Variants in ENSA observed in about 807,000 individuals in gnomAD.
The protein encoded by ENSA is endosulfine alpha, also known as alpha-endosulfine.
In ENSA, 7 loss-of-function variants were observed where a neutral mutation model predicts 16.8. The observed-to-expected ratio is 0.42, with a 90% CI of 0.24 to 0.78. The LOEUF (loss-of-function observed/expected upper bound fraction) is 0.78. Ranked by LOEUF, ENSA falls within the 30% of genes least tolerant of loss-of-function variation. The pLI is 0.29. For missense variants in ENSA, 87 were observed against 142.3 expected (o/e 0.61, Z 1.98); for synonymous variants, 58 against 53.4 (o/e 1.09, Z -0.37).
intron 2 of ENSA, 165 bp downstream of exon 2, chr1:150,627,302 A>T: frequency 6.3e-7 from 1 of 1,590,120 alleles, no homozygotes; most frequent in Non-Finnish European, 8.5e-7. Context: ...ATACCACATC[A>T]GGGATTTACA....
At chr1:150,624,834 T>C (rs1649188924) in intron 3 of ENSA, 1 of 980,190 alleles carries the variant, frequency 1.0e-6, no homozygotes, top group East Asian at 1.1e-4. Flanking sequence ...TTTAACTCTA[T>C]TTTACAGATG....
In ENSA at chr1:150,627,003, T is replaced by C. The variant is rs1649378319; in HGVS notation, c.183+464A>G. ...GAAAAATACATTTGCTGCAGGAGTA[T>C]AATTAATGGCTGGTGCTCACTTCAA... On this transcript the variant is annotated intron_variant, in intron 2 of 3. Coordinates refer to ENST00000369014, the MANE Select transcript of ENSA (RefSeq NM_004436.4). The C allele has an allele frequency of 1.3e-5, 14 of 1,082,044 alleles. No homozygotes were observed. The South Asian group carries it at 3.9e-4, about 30-fold the overall frequency. 67.0% of individuals were successfully genotyped at this position (1,082,044 alleles called of 1,614,324 possible). A position where few individuals can be genotyped will look rare whatever the true frequency, so the allele number is the denominator to read the frequency against.
At chr1:150,628,901 A>G (rs190024592) in intron 1 of ENSA, 4 of 701,062 alleles carry the variant, frequency 5.7e-6, no homozygotes, top group Non-Finnish European at 9.8e-6. Flanking sequence ...CTTAGCTACT[A>G]AAATAGGTCT....
chr1:150,625,184 G>A lies in ENSA; in HGVS notation c.350+458C>T, dbSNP rs976493302. On this transcript the variant is annotated intron_variant, in intron 3 of 3. Transcript: ENST00000369014. ...GCCATAATGGAAACATGAAGCAATAGCAGCCTAAGGGACAGAACACTTAGA... is the reference window on the plus strand; with the variant it reads ...GCCATAATGGAAACATGAAGCAATAACAGCCTAAGGGACAGAACACTTAGA... 6 of 986,000 alleles carry A rather than the reference G, an allele frequency of 6.1e-6. No individual in the cohort carries two copies. The African/African-American group carries it at 1.0e-4, about 17-fold the overall frequency. The allele number at this position is 986,000 out of a possible 1,614,324, so 61.1% of individuals were successfully genotyped here. A position where few individuals can be genotyped will look rare whatever the true frequency, so the allele number is the denominator to read the frequency against.
In ENSA at chr1:150,628,571, T is replaced by C. The variant is rs184777356; in HGVS notation, c.57+843A>G. The stretch of plus-strand genomic sequence containing the variant: ...AAGATATGAAGTCAACGTATGACTC[T>C]TTTTAGTGGAATTATATTCCTTTCT... On this transcript the variant is annotated intron_variant, in intron 1 of 3. Coordinates refer to ENST00000369014, the MANE Select transcript of ENSA (RefSeq NM_004436.4). Among the ~76,000 whole-genome samples, 69 of 152,182 alleles carry C rather than the reference T, an allele frequency of 4.5e-4. 1 individual carries two copies. The East Asian group carries it at 8.5e-3, about 19-fold the overall frequency.
chr1:150,622,731 G>A lies in ENSA; in HGVS notation c.*113C>T, dbSNP rs1649046868. On this transcript the variant is annotated 3_prime_UTR_variant, in exon 4 of 4. Coordinates refer to ENST00000369014, the MANE Select transcript of ENSA (RefSeq NM_004436.4). ...GCTTCTGCCTCTCCAGCCCACACCC[G>A]AGCCACCTCCTGACCCCTGGCTGCA... The A allele has an allele frequency of 9.8e-6, 12 of 1,230,658 alleles. No homozygotes were observed. The highest frequency in any genetic ancestry group is 1.5e-5 in the African/African-American group (1 of 64,610). 76.2% of individuals were successfully genotyped at this position (1,230,658 alleles called of 1,614,324 possible).
At chr1:150,627,360 T>C in intron 2 of ENSA, 107 bp downstream of exon 2, 1 of 1,611,282 alleles carries the variant, frequency 6.2e-7, no homozygotes, top group South Asian at 1.1e-5. Context: ...TCTACTTCTG[T>C]TCAACAACAA....
At chr1:150,626,954 G>A (rs1045323003) in intron 2 of ENSA, 2 of 711,906 alleles carry the variant, frequency 2.8e-6, no homozygotes, top group South Asian at 4.5e-5. Flanking sequence ...ACTCTCTCTT[G>A]GTAAGGAGGA....
At chr1:150,626,522 T>C (rs1418890694) in intron 2 of ENSA, 6 of 1,613,484 alleles carry the variant, frequency 3.7e-6, no homozygotes, top group Non-Finnish European at 5.1e-6. Flanking sequence ...TAATGATTTA[T>C]AATCCTACAG....
chr1:150,621,923 G>A (rs587619591), downstream of ENSA: 3 of 152,162 alleles, frequency 2.0e-5, no homozygotes, highest in East Asian at 5.8e-4. Flanking sequence ...GCCTCATTTT[G>A]TGAGCCACAA....
At position 150,625,644 on chromosome 1, in the gene ENSA, C is replaced by G. The variant is rs369716092; in HGVS notation, c.348G>C (p.Ala116=). 8.1e-6 allele frequency: 13 copies of G among 1,601,184 alleles called. No homozygotes were observed. The South Asian group carries it at 1.5e-4, about 18-fold the overall frequency. Residue 116 remains alanine, a splice_region_variant and synonymous_variant, in exon 3 of 4, where the codon GCG becomes GCC. Coordinates refer to ENST00000369014, the MANE Select transcript of ENSA (RefSeq NM_004436.4). ...RKSSLVTSKL[A]GGQVE ...GAGGAGAGGGGGGCTCAGGTTACCC[C>G]GCAAGCTTGCTGGTGACGAGCGAGG... is the stretch of plus-strand genomic sequence containing the variant.
At chr1:150,621,680 G>A (rs1179236404), downstream of ENSA, 1 of 152,176 alleles carries the variant, frequency 6.6e-6, no homozygotes, top group Non-Finnish European at 1.5e-5. Context: ...GGCACATCAT[G>A]AGGAAAGAAA....
chr1:150,626,301 G>C (rs1649305357), intron 2 of ENSA, among the ~76,000 whole-genome samples: 1 of 152,208 alleles, frequency 6.6e-6, no homozygotes, highest in South Asian at 2.1e-4. Context: ...AACTGGGCCT[G>C]TTCATGAGGA....
Position 150,622,445 on chromosome 1 carries a change from TACTCC to T in ENSA, c.*394_*398del. ...CAACTAGAACCCCTTTTCATTAGGC[TACTCC>T]ACTTCCTTCCCCTCATACCTACCCC... On this transcript the variant is annotated 3_prime_UTR_variant, in exon 4 of 4. Coordinates refer to ENST00000369014, the MANE Select transcript of ENSA (RefSeq NM_004436.4). The T allele has an allele frequency of 4.7e-6, 1 of 212,568 alleles. No homozygotes were observed. The highest frequency in any genetic ancestry group is 2.3e-5 in the African/African-American group (1 of 43,916). The allele number at this position is 212,568 out of a possible 1,614,324, so 13.2% of individuals were successfully genotyped here. A position where few individuals can be genotyped will look rare whatever the true frequency, so the allele number is the denominator to read the frequency against.
intron 2 of ENSA, 109 bp downstream of exon 2, chr1:150,627,358 T>G: frequency 6.2e-7 from 1 of 1,611,084 alleles, no homozygotes; most frequent in Non-Finnish European, 8.5e-7. Flanking sequence ...CCTCTACTTC[T>G]GTTCAACAAC....
chr1:150,624,479 C>G (rs1366662309), intron 3 of ENSA: 1 of 985,780 alleles, frequency 1.0e-6, no homozygotes. Flanking sequence ...CCTGCAGCTC[C>G]GCTGCCAGAG....
At chr1:150,623,762 T>C (rs1309710266) in intron 3 of ENSA, 2 of 985,526 alleles carry the variant, frequency 2.0e-6, no homozygotes, top group African/African-American at 1.8e-5. Context: ...CATGAGGAAA[T>C]GGAGCAAGAA....
chr1:150,621,811 A>G (rs1649010586), downstream of ENSA: 1 of 152,174 alleles, frequency 6.6e-6, no homozygotes. Flanking sequence ...GGAACTTGAA[A>G]AGGAATGGAA....
intron 2 of ENSA, chr1:150,627,099 T>A: frequency 7.2e-7 from 1 of 1,386,804 alleles, no homozygotes. Flanking sequence ...GATCTTCTTC[T>A]GAAATGATGC....
Sources: gnomAD v4.1 joint callset for allele counts (sites outside exome capture counted in the v4.1 genomes callset) on GRCh38, gnomAD v4.1.1 for gene constraint, MANE v1.5 for transcripts, NCBI Gene and HGNC (gene_info 2026-07-23, HGNC 2026-07-21) for gene names.